Variants in GATB observed in about 807,000 individuals in gnomAD.
GATB encodes the protein glutamyl-tRNA(Gln) amidotransferase subunit B, mitochondrial.
GATB carries 39 observed loss-of-function variants against 62.3 expected under a neutral mutation model. The ratio of observed to expected loss-of-function variants is 0.63; its 90% CI spans 0.48 to 0.82. The LOEUF is 0.82. GATB is among the 40% of genes least tolerant of loss of function. GATB has a pLI of 0.00. For missense variants in GATB, 670 were observed against 684.0 expected, an observed-to-expected ratio of 0.98 and a Z score of 0.23; for synonymous variants, 276 against 258.9, an observed-to-expected ratio of 1.07 and a Z score of -0.63.
At chr4:151,699,992 G>A (rs1738566797) in intron 9 of GATB, among the ~76,000 whole-genome samples, 2 of 152,144 alleles carry the variant, frequency 1.3e-5, no homozygotes, top group African/African-American at 4.8e-5. Flanking sequence ...TTCACAAATA[G>A]TAATAAAAGG....
intron 9 of GATB, among the ~76,000 whole-genome samples, chr4:151,697,979 A>ATGTG (rs1738520569): frequency 5.3e-5 from 7 of 132,602 alleles, no homozygotes; most frequent in African/African-American, 1.8e-4. Context: ...ATATATATAT[A>ATGTG]TATATATATA....
chr4:151,671,602 C>T (rs1737863226), intron 12 of GATB, among the ~76,000 whole-genome samples: 1 of 152,138 alleles, frequency 6.6e-6, no homozygotes, highest in African/African-American at 2.4e-5. Flanking sequence ...GCCACAATGA[C>T]CGAGGACACT....
In GATB at chr4:151,730,391, C is replaced by T. The variant is rs1739219654; in HGVS notation, c.328-10853G>A. Among the ~76,000 whole-genome samples, 3 of 152,184 alleles carry T rather than the reference C, an allele frequency of 2.0e-5. No homozygotes were observed. Among genetic ancestry groups the T allele is most frequent in the East Asian group, 1.9e-4 (1 of 5,184 alleles). On this transcript the variant is annotated intron_variant, in intron 2 of 12. Transcript: ENST00000263985. This position sits in a 1 kb window ranked among gnomAD's most constrained non-coding sequence, Gnocchi z 4.1. The stretch of plus-strand genomic sequence containing the variant: ...TACAATCTTGGGAGTTCTAGGGCCC[C>T]GCCCACCACTGGTCCCTCTCCATAC...
Position 151,671,277 on chromosome 4 carries a change from G to A in GATB, c.1571C>T (p.Pro524Leu). Residue 524 changes from proline (P) to leucine (L), a missense_variant, in exon 13 of 13, where the codon CCC (proline) becomes CTC (leucine). Pro to Leu is a moderately conservative substitution (Grantham distance 98, BLOSUM62 -3). Coordinates refer to ENST00000263985, the MANE Select transcript of GATB (RefSeq NM_004564.3). ...CCCAATCAGTTTATTTATAGCTCTG[G>A]GGTTTCTGTTCTTCACATCCATTAC... ...QVVMDVKNRNPRAINKLIGLV... is the reference protein window; with the variant it reads ...QVVMDVKNRNLRAINKLIGLV... 6.2e-7 allele frequency: 1 copy of A among 1,612,954 alleles called. No individual in the cohort carries two copies. Among genetic ancestry groups the A allele is most frequent in the East Asian group, 2.2e-5 (1 of 44,840 alleles).
At chr4:151,697,935 A>ATGTG (rs1199222631) in intron 9 of GATB, among the ~76,000 whole-genome samples, 9 of 74,710 alleles carry the variant, frequency 1.2e-4, no homozygotes, top group African/African-American at 7.4e-4. Flanking sequence ...GATTTCATAT[A>ATGTG]TATGTGTGTG....
At chr4:151,699,194 C>T (rs937637522) in intron 9 of GATB, among the ~76,000 whole-genome samples, 1 of 152,026 alleles carries the variant, frequency 6.6e-6, no homozygotes, top group African/African-American at 2.4e-5. Context: ...GTTCAACCAG[C>T]CTGGCCAACA....
chr4:151,671,406 T>G, intron 12 of GATB, 104 bp from the exon 13 acceptor site: 1 of 1,098,366 alleles, frequency 9.1e-7, no homozygotes, highest in Non-Finnish European at 1.3e-6. Context: ...ATTCCGCTTA[T>G]TTCCACTAGT....
intron 11 of GATB, chr4:151,674,183 A>G (rs1267591018): frequency 6.6e-6 from 1 of 152,232 alleles, no homozygotes; most frequent in Non-Finnish European, 1.5e-5. Context: ...ACTCTTAGAA[A>G]AATACAGAAT....
Position 151,719,411 on chromosome 4 carries a change from CAA to C in GATB, c.441+12_441+13del. 1 of 1,584,008 alleles carries C rather than the reference CAA, an allele frequency of 6.3e-7. No homozygotes were observed. The highest frequency in any genetic ancestry group is 1.7e-5 in the Admixed American group (1 of 59,682). On this transcript the variant is annotated intron_variant, in intron 3 of 12. Transcript: ENST00000263985. Reference sequence around the variant, plus strand: ...TGAGAACTTGCAGTGGGGTGGATCACAAAGTGTACTTACAGGGAGGTCTGCAT... The same window carrying C: ...TGAGAACTTGCAGTGGGGTGGATCACAGTGTACTTACAGGGAGGTCTGCAT...
At chr4:151,751,438 G>A (rs147210726) in intron 2 of GATB, among the ~76,000 whole-genome samples, 2 of 152,024 alleles carry the variant, frequency 1.3e-5, no homozygotes, top group African/African-American at 2.4e-5. Context: ...CCACCTCACC[G>A]CCAAAGAAAA....
chr4:151,681,210 A>T (rs1250947959), intron 10 of GATB, among the ~76,000 whole-genome samples: 1 of 152,136 alleles, frequency 6.6e-6, no homozygotes, highest in Non-Finnish European at 1.5e-5. Flanking sequence ...GACTTACTGT[A>T]CTCTAATTCA....
intron 2 of GATB, chr4:151,721,242 A>G (rs1697819063): frequency 6.6e-6 from 1 of 152,360 alleles, no homozygotes; most frequent in African/African-American, 2.4e-5. Context: ...CATCTCAAAA[A>G]AAAGGAAAAA....
intron 2 of GATB, among the ~76,000 whole-genome samples, chr4:151,757,019 G>C (rs907425006): frequency 6.6e-6 from 1 of 152,148 alleles, no homozygotes; most frequent in African/African-American, 2.4e-5. Flanking sequence ...ATCTGGAAGG[G>C]AAAATGTAGA....
rs555736335 is a variant in GATB, at chr4:151,730,510, C to T, written c.328-10972G>A. Among the ~76,000 whole-genome samples the T allele has an allele frequency of 5.6e-4, 85 of 152,332 alleles. No homozygotes were observed. Among genetic ancestry groups the T allele is most frequent in the African/African-American group, 1.8e-3 (76 of 41,570 alleles). On this transcript the variant is annotated intron_variant, in intron 2 of 12. Coordinates refer to ENST00000263985, the MANE Select transcript of GATB (RefSeq NM_004564.3). This position sits in a 1 kb window ranked among gnomAD's most constrained non-coding sequence, Gnocchi z 4.1. ...AAACCACCAAAGCTAAGGACTCCCA[C>T]GGAGTCCACTGCACCCTCTGCCACC...
At chr4:151,694,721 T>C (rs1435211887) in intron 9 of GATB, among the ~76,000 whole-genome samples, 1 of 152,230 alleles carries the variant, frequency 6.6e-6, no homozygotes, top group East Asian at 1.9e-4. Flanking sequence ...GTCAATATGT[T>C]TGTAGATACT....
chr4:151,690,114 G>T (rs1738332814), intron 9 of GATB, among the ~76,000 whole-genome samples: 1 of 152,082 alleles, frequency 6.6e-6, no homozygotes, highest in African/African-American at 2.4e-5. Context: ...TTAACCAAAA[G>T]AATTTTCTGG....
At chr4:151,694,641 A>C (rs73862094) in intron 9 of GATB, among the ~76,000 whole-genome samples, 3,905 of 152,308 alleles carry the variant, frequency 0.026, 145 homozygotes, top group African/African-American at 0.088. Context: ...TTGACCAAAT[A>C]GATTTTCCTT....
chr4:151,721,993 A>T, intron 2 of GATB: 1 of 571,048 alleles, frequency 1.8e-6, no homozygotes, highest in Non-Finnish European at 3.1e-6. Context: ...GATGATTTAG[A>T]AGCCATGAAG....
chr4:151,708,277 C>T (rs532851223), intron 5 of GATB, among the ~76,000 whole-genome samples, 176 bp from the exon 6 acceptor site: 47 of 152,310 alleles, frequency 3.1e-4, no homozygotes, highest in African/African-American at 1.1e-3. Flanking sequence ...TACTTCTGGC[C>T]ACTCGAGAGG....
Sources: gnomAD v4.1 joint callset for allele counts (sites outside exome capture counted in the v4.1 genomes callset) on GRCh38, gnomAD v4.1.1 for gene constraint, Gnocchi (gnomAD v3.1) non-coding constraint, MANE v1.5 for transcripts, NCBI Gene and HGNC (gene_info 2026-07-23, HGNC 2026-07-21) for gene names.